Variants in PCDHGA2 observed in about 807,000 individuals in gnomAD.
PCDHGA2 encodes protocadherin gamma subfamily A, 2.
PCDHGA2 carries 40 observed loss-of-function variants against 59.2 expected under a neutral mutation model. The observed-to-expected ratio is 0.68, with a 90% CI of 0.52 to 0.88. PCDHGA2 has a LOEUF of 0.88. Ranked by LOEUF, PCDHGA2 falls within the 40% of genes least tolerant of loss-of-function variation. PCDHGA2 has a pLI of 0.00. For synonymous variants in PCDHGA2, 560 were observed against 526.0 expected, an observed-to-expected ratio of 1.06 and a Z score of -0.89; for missense variants, 1,226 against 1,204.0, an observed-to-expected ratio of 1.02 and a Z score of -0.27.
At chr5:141,395,095 C>G in intron 1 of PCDHGA2, 1 of 1,614,174 alleles carries the variant, frequency 6.2e-7, no homozygotes, top group Non-Finnish European at 8.5e-7. Flanking sequence ...TCCCTCACCG[C>G]CGACTCGCGG....
At chr5:141,349,394 A>T (rs1443384482) in intron 1 of PCDHGA2, among the ~76,000 whole-genome samples, 1 of 152,220 alleles carries the variant, frequency 6.6e-6, no homozygotes, top group Non-Finnish European at 1.5e-5. Flanking sequence ...CATATAAAAA[A>T]GAAGCACTGG....
At position 141,432,252 on chromosome 5, in the gene PCDHGA2, G is replaced by A. The variant is rs749107567; in HGVS notation, c.2425-62555G>A. 3.7e-6 allele frequency: 6 copies of A among 1,614,220 alleles called. No homozygotes were observed. The highest frequency in any genetic ancestry group is 5.1e-6 in the Non-Finnish European group (6 of 1,180,042). ...TCCCTGGCTGAGAACACCATCCAAG[G>A]GGCAAGCCTATCGTCCTACGTGTCC... On this transcript the variant is annotated intron_variant, in intron 1 of 3. Coordinates refer to ENST00000394576, the MANE Select transcript of PCDHGA2 (RefSeq NM_018915.4). The surrounding 1 kb of genome is among the most constrained non-coding windows in gnomAD (Gnocchi z 6.0).
At chr5:141,444,056 A>G (rs1055292734) in intron 1 of PCDHGA2, among the ~76,000 whole-genome samples, 7 of 151,740 alleles carry the variant, frequency 4.6e-5, no homozygotes, top group Non-Finnish European at 7.4e-5. Context: ...GGCATCTTCA[A>G]TCTAGATTCT....
chr5:141,419,877 C>G (rs1272137716), intron 1 of PCDHGA2: 24 of 1,614,062 alleles, frequency 1.5e-5, no homozygotes, highest in Non-Finnish European at 1.9e-5. Flanking sequence ...GAGGTACTGC[C>G]GGATTTCAGC....
At chr5:141,414,753 T>G (rs10041534) in intron 1 of PCDHGA2, 22 of 1,614,088 alleles carry the variant, frequency 1.4e-5, no homozygotes, top group Non-Finnish European at 1.8e-5. Context: ...CCTTCGACTA[T>G]GAGCAGTTTC....
chr5:141,470,358 A>G (rs1263824284), intron 1 of PCDHGA2, among the ~76,000 whole-genome samples: 2 of 152,174 alleles, frequency 1.3e-5, no homozygotes, highest in African/African-American at 4.8e-5. Context: ...AAATAGACAC[A>G]TTAGGTTGAA....
At chr5:141,384,353 C>T in intron 1 of PCDHGA2, 1 of 1,613,848 alleles carries the variant, frequency 6.2e-7, no homozygotes, top group South Asian at 1.1e-5. Context: ...GAGGATAATG[C>T]CCAGATCACT....
At chr5:141,403,227 G>A (rs2094378929) in intron 1 of PCDHGA2, 4 of 1,608,848 alleles carry the variant, frequency 2.5e-6, no homozygotes, top group African/African-American at 1.3e-5. Flanking sequence ...AGGATAGACC[G>A]GGAGGAGCTC....
At chr5:141,466,684 G>A (rs1337230884) in intron 1 of PCDHGA2, among the ~76,000 whole-genome samples, 1 of 152,034 alleles carries the variant, frequency 6.6e-6, no homozygotes, top group Non-Finnish European at 1.5e-5. Flanking sequence ...TTCCACTCAA[G>A]CTTCATCATA....
At chr5:141,423,701 G>A in intron 1 of PCDHGA2, 1 of 1,312,668 alleles carries the variant, frequency 7.6e-7, no homozygotes, top group Non-Finnish European at 9.9e-7. Flanking sequence ...TGGTGTCTTG[G>A]CACAAGTCTT....
chr5:141,338,934 C>G lies in PCDHGA2; in HGVS notation c.-38C>G. ...TAAAGATTGGAATCCGCACTGGATG[C>G]TGGAAGTTGACTCGGAGAAAATTGC... On this transcript the variant is annotated 5_prime_UTR_variant, in exon 1 of 4. Coordinates refer to ENST00000394576, the MANE Select transcript of PCDHGA2 (RefSeq NM_018915.4). 1 of 1,521,964 alleles carries G rather than the reference C, an allele frequency of 6.6e-7. No homozygotes were observed. The highest frequency in any genetic ancestry group is 8.8e-7 in the Non-Finnish European group (1 of 1,135,192). 94.3% of individuals were successfully genotyped at this position (1,521,964 alleles called of 1,614,324 possible).
intron 1 of PCDHGA2, chr5:141,403,389 C>A (rs764725441): frequency 1.9e-6 from 3 of 1,614,050 alleles, no homozygotes; most frequent in Non-Finnish European, 2.5e-6. Flanking sequence ...AACGAAATCG[C>A]GGTTCCTGGA....
chr5:141,413,386 G>A (rs757396075), intron 1 of PCDHGA2: 6 of 1,613,884 alleles, frequency 3.7e-6, no homozygotes, highest in African/African-American at 1.3e-5. Context: ...AGTCCGCATA[G>A]TCTCCAGAGG....
intron 1 of PCDHGA2, chr5:141,370,571 G>A (rs970814015): frequency 1.2e-6 from 2 of 1,613,816 alleles, no homozygotes; most frequent in African/African-American, 1.3e-5. Flanking sequence ...TTGGCGTGGG[G>A]GATTTACCTA....
chr5:141,351,001 C>T (rs1358534137), intron 1 of PCDHGA2: 3 of 1,613,936 alleles, frequency 1.9e-6, no homozygotes, highest in African/African-American at 1.3e-5. Flanking sequence ...ACAGGGTTAG[C>T]CTCCAAGAAA....
rs368564960 is a variant in PCDHGA2 at position 141,408,437 on chromosome 5, G to T, written c.2424+67042G>T. Reference sequence around the variant, plus strand: ...GGAGAAGCTGCACTTCAGCGTAGACGCGGAGAGCGGGGACTTACTTGTGAA... The same window carrying T: ...GGAGAAGCTGCACTTCAGCGTAGACTCGGAGAGCGGGGACTTACTTGTGAA... On this transcript the variant is annotated intron_variant, in intron 1 of 3. Transcript: ENST00000394576. The T allele has an allele frequency of 1.3e-5, 21 of 1,613,950 alleles. No homozygotes were observed. Among genetic ancestry groups the T allele is most frequent in the Non-Finnish European group, 1.6e-5 (19 of 1,179,918 alleles).
chr5:141,420,301 CT>C, intron 1 of PCDHGA2: 1 of 1,462,308 alleles, frequency 6.8e-7, no homozygotes, highest in Non-Finnish European at 9.2e-7. Flanking sequence ...GTATTTAATC[CT>C]TTTTATATTA....
chr5:141,394,631 C>T (rs1402672360), intron 1 of PCDHGA2: 3 of 1,613,354 alleles, frequency 1.9e-6, no homozygotes, highest in Admixed American at 1.7e-5. Flanking sequence ...GGCTGTCCTA[C>T]CGCCTGCTCA....
chr5:141,353,400 T>C (rs1407556108), intron 1 of PCDHGA2, among the ~76,000 whole-genome samples: 1 of 152,244 alleles, frequency 6.6e-6, no homozygotes, highest in Admixed American at 6.5e-5. Context: ...GTAATTAATG[T>C]AATCTTCATC....
Sources: gnomAD v4.1 joint callset for allele counts (sites outside exome capture counted in the v4.1 genomes callset) on GRCh38, gnomAD v4.1.1 for gene constraint, Gnocchi (gnomAD v3.1) non-coding constraint, MANE v1.5 for transcripts, NCBI Gene and HGNC (gene_info 2026-07-23, HGNC 2026-07-21) for gene names.